Variants in TSEN2 observed in about 807,000 individuals in gnomAD.
TSEN2 encodes tRNA-splicing endonuclease subunit Sen2.
In TSEN2, 54 loss-of-function variants were observed where a neutral mutation model predicts 59.2. The ratio of observed to expected loss-of-function variants is 0.91; its 90% CI spans 0.73 to 1.14. The LOEUF (loss-of-function observed/expected upper bound fraction) is 1.14, where lower values mean the gene tolerates loss of function less well. TSEN2 is among the 50% of genes most tolerant of loss of function. The pLI, the probability that TSEN2 is intolerant of heterozygous loss-of-function variation, is 0.00. For missense variants in TSEN2, 636 were observed against 576.2 expected (o/e 1.10, Z -1.06); for synonymous variants, 195 against 198.2 (o/e 0.98, Z 0.14).
At chr3:12,480,706 T>TA (rs369585944), upstream of TSEN2, among the ~76,000 whole-genome samples, 138 of 151,526 alleles carry the variant, frequency 9.1e-4, 2 homozygotes, top group African/African-American at 3.0e-3. Context: ...TTTTTATATA[T>TA]TTTTTTTAGT....
At chr3:12,488,761 G>A (rs1484233894) in intron 1 of TSEN2, among the ~76,000 whole-genome samples, 1 of 152,164 alleles carries the variant, frequency 6.6e-6, no homozygotes, top group Non-Finnish European at 1.5e-5. Context: ...ACCCTTCACC[G>A]TCTGATTTTG....
At chr3:12,516,755 T>A in intron 7 of TSEN2, 94 bp downstream of exon 7, 1 of 1,233,062 alleles carries the variant, frequency 8.1e-7, no homozygotes, top group South Asian at 1.2e-5. Flanking sequence ...TACAAATGTT[T>A]CTACTCTTAC....
In TSEN2 at chr3:12,494,386, A is replaced by G. The variant is rs140386818; in HGVS notation, c.272-2132A>G. ...AAAAAGATGGAAATATAAAATAGAT[A>G]TTTTATTATATTTTTTGAGACAAGA... On this transcript the variant is annotated intron_variant, in intron 3 of 11. Coordinates refer to ENST00000284995, the MANE Select transcript of TSEN2 (RefSeq NM_025265.4). 3.4e-3 allele frequency among the ~76,000 whole-genome samples: 513 copies of G among 152,254 alleles called. 6 individuals are homozygous for G. Among genetic ancestry groups the G allele is most frequent in the African/African-American group, 0.012 (500 of 41,560 alleles).
intron 4 of TSEN2, among the ~76,000 whole-genome samples, chr3:12,502,668 GT>G (rs1254923551): frequency 7.9e-6 from 1 of 126,728 alleles, no homozygotes; most frequent in African/African-American, 2.9e-5. Flanking sequence ...CTGGGGGTTA[GT>G]TTTTTTTGTT....
chr3:12,497,227 C>G (rs555173141), intron 4 of TSEN2, among the ~76,000 whole-genome samples: 1 of 152,326 alleles, frequency 6.6e-6, no homozygotes. Flanking sequence ...CAGTGCCACA[C>G]TTTGTGGTCC....
At chr3:12,508,039 A>C (rs2055025994) in intron 6 of TSEN2, among the ~76,000 whole-genome samples, 1 of 152,180 alleles carries the variant, frequency 6.6e-6, no homozygotes, top group East Asian at 1.9e-4. Flanking sequence ...GTCCTGGGCC[A>C]GCAGGGCACT....
intron 6 of TSEN2, among the ~76,000 whole-genome samples, chr3:12,512,720 T>C (rs1480854068): frequency 6.6e-6 from 1 of 152,268 alleles, no homozygotes; most frequent in Non-Finnish European, 1.5e-5. Context: ...CCTCTGCTTT[T>C]AGCCAGTGAC....
At chr3:12,514,800 A>G (rs971865922) in intron 6 of TSEN2, 35 of 152,236 alleles carry the variant, frequency 2.3e-4, no homozygotes, top group Non-Finnish European at 3.8e-4. Flanking sequence ...GAAGCCTTCC[A>G]TATTAAAAAC....
At chr3:12,490,398 T>A (rs1454377090) in intron 2 of TSEN2, among the ~76,000 whole-genome samples, 1 of 152,240 alleles carries the variant, frequency 6.6e-6, no homozygotes, top group Non-Finnish European at 1.5e-5. Flanking sequence ...ATAGTGTCCC[T>A]ACTCAGGCAC....
chr3:12,508,812 G>C (rs1241129260), intron 6 of TSEN2, among the ~76,000 whole-genome samples: 1 of 152,192 alleles, frequency 6.6e-6, no homozygotes, highest in Non-Finnish European at 1.5e-5. Context: ...GCATCCTTCA[G>C]TGGACACGCA....
intron 9 of TSEN2, among the ~76,000 whole-genome samples, chr3:12,529,390 C>T (rs977427556): frequency 6.8e-5 from 10 of 147,464 alleles, no homozygotes; most frequent in Admixed American, 3.5e-4. Flanking sequence ...TGCTTGAACC[C>T]AGGAGGCGGA....
At chr3:12,524,927 A>G (rs1356860397) in intron 8 of TSEN2, among the ~76,000 whole-genome samples, 1 of 151,836 alleles carries the variant, frequency 6.6e-6, no homozygotes, top group Non-Finnish European at 1.5e-5. Flanking sequence ...TATTTTTAGT[A>G]GAGACAGGAT....
chr3:12,511,108 C>T (rs2055403231), intron 6 of TSEN2: 1 of 152,336 alleles, frequency 6.6e-6, no homozygotes, highest in African/African-American at 2.4e-5. Context: ...CTACAGCATC[C>T]AGTATTCCCA....
In TSEN2 at chr3:12,505,185, G is replaced by A; in HGVS notation, c.863G>A (p.Arg288Lys). The change falls in exon 6 of 12, where the codon AGA (arginine) becomes AAA (lysine). Residue 288 changes from arginine to lysine, a missense_variant. By Grantham distance (26) the Arg-to-Lys change is conservative. Coordinates refer to ENST00000284995, the MANE Select transcript of TSEN2 (RefSeq NM_025265.4). ...LVQRNRLICR[R>K]NPYRIFEYLQ... ...CAAAGAAACAGGTTAATATGCAGAAGAAATCCATATAGGATCTTTGAGTAT... is the reference window on the plus strand; with the variant it reads ...CAAAGAAACAGGTTAATATGCAGAAAAAATCCATATAGGATCTTTGAGTAT... 1 of 1,611,918 alleles carries A rather than the reference G, an allele frequency of 6.2e-7. No individual in the cohort carries two copies. The highest frequency in any genetic ancestry group is 8.5e-7 in the Non-Finnish European group (1 of 1,178,060).
rs774301744 is a variant in TSEN2 at position 12,528,872 on chromosome 3, T to C, written c.1100-16T>C. 1.2e-6 allele frequency: 2 copies of C among 1,613,936 alleles called. No individual in the cohort carries two copies. The highest frequency in any genetic ancestry group is 1.7e-6 in the Non-Finnish European group (2 of 1,179,942). Reference sequence around the variant, plus strand: ...TTTGAGTGGTTATACTTCTTTTTTTTCTTTCTTCTTTGCAGTGCTATATCG... The same window carrying C: ...TTTGAGTGGTTATACTTCTTTTTTTCCTTTCTTCTTTGCAGTGCTATATCG... On this transcript the variant is annotated splice_polypyrimidine_tract_variant and intron_variant, in intron 8 of 11. Transcript: ENST00000284995.
At position 12,489,932 on chromosome 3, in the gene TSEN2, G is replaced by T. The variant is rs1027501603; in HGVS notation, c.132G>T (p.Met44Ile). The change falls in exon 2 of 12, where the codon ATG (methionine) becomes ATT (isoleucine). Residue 44 changes from methionine to isoleucine, a missense_variant. Met to Ile is a conservative substitution (Grantham distance 10). Coordinates refer to ENST00000284995, the MANE Select transcript of TSEN2 (RefSeq NM_025265.4). Reference protein sequence around the residue: ...LKEFKIFRAEMINNNVIVRNA... With the variant: ...LKEFKIFRAEIINNNVIVRNA... ...AATTCAAGATATTCCGTGCTGAAAT[G>T]ATTAACAACAATGTGATTGTGAGGA... is the stretch of plus-strand genomic sequence containing the variant. The T allele has an allele frequency of 3.1e-6, 5 of 1,614,166 alleles. No homozygotes were observed. Among genetic ancestry groups the T allele is most frequent in the Non-Finnish European group, 3.4e-6 (4 of 1,180,034 alleles).
intron 8 of TSEN2, 115 bp downstream of exon 8, chr3:12,519,312 G>C (rs2056423550): frequency 6.9e-7 from 1 of 1,452,696 alleles, no homozygotes; most frequent in Admixed American, 1.7e-5. Flanking sequence ...GTATCCTTTG[G>C]GTTTAGATAA....
chr3:12,490,829 G>C (rs78819736), intron 2 of TSEN2, among the ~76,000 whole-genome samples: 1 of 152,150 alleles, frequency 6.6e-6, no homozygotes, highest in Non-Finnish European at 1.5e-5. Context: ...CTAGACACTT[G>C]ATAGAAGAGT....
At chr3:12,502,205 T>C (rs1029540871) in intron 4 of TSEN2, among the ~76,000 whole-genome samples, 2 of 152,226 alleles carry the variant, frequency 1.3e-5, no homozygotes, top group Non-Finnish European at 2.9e-5. Context: ...ATTTGTATTA[T>C]GAATGGCATA....
Sources: gnomAD v4.1 joint callset for allele counts (sites outside exome capture counted in the v4.1 genomes callset) on GRCh38, gnomAD v4.1.1 for gene constraint, MANE v1.5 for transcripts, NCBI Gene and HGNC (gene_info 2026-07-23, HGNC 2026-07-21) for gene names.